ABR: variants seen among roughly 807,000 people sequenced by gnomAD.
ABR encodes the protein active breakpoint cluster region-related protein.
In ABR, 35 loss-of-function variants were observed where a neutral mutation model predicts 107.2. The ratio of observed to expected loss-of-function variants is 0.33; its 90% CI spans 0.25 to 0.43. ABR has a LOEUF of 0.43. Ranked by LOEUF, ABR falls within the 20% of genes least tolerant of loss-of-function variation. The probability of loss-of-function intolerance (pLI) is 1.00; values close to 1 mark genes in which losing one functional copy is unlikely to be tolerated. For missense variants in ABR, 815 were observed against 1,115.2 expected (o/e 0.73, Z 3.83); for synonymous variants, 498 against 462.0 (o/e 1.08, Z -1.00).
At position 1,010,124 on chromosome 17, in the gene ABR, T is replaced by C. The variant is rs1051033207; in HGVS notation, c.2237-340A>G. On this transcript the variant is annotated intron_variant, in intron 20 of 22. Transcript: ENST00000302538. This position sits in a 1 kb window ranked among gnomAD's most constrained non-coding sequence, Gnocchi z 4.1. ...CTAAGGTTAAGCCAGTAGGGACATATCCTGCCAGCGGTGGATTCTCTTTCT... is the reference window on the plus strand; with the variant it reads ...CTAAGGTTAAGCCAGTAGGGACATACCCTGCCAGCGGTGGATTCTCTTTCT... 6 of 347,932 alleles carry C rather than the reference T, an allele frequency of 1.7e-5. No homozygotes were observed. Among genetic ancestry groups the C allele is most frequent in the African/African-American group, 4.1e-5 (2 of 49,204 alleles). 21.6% of individuals were successfully genotyped at this position (347,932 alleles called of 1,614,324 possible). A position where few individuals can be genotyped will look rare whatever the true frequency, so the allele number is the denominator to read the frequency against.
rs975282924 is a variant in ABR at position 1,204,955 on chromosome 17, G to A, written c.838+23838C>T. On this transcript the variant is annotated intron_variant, in intron 1 of 22. Coordinates refer to the ABR transcript ENST00000574139. ...GTCTCGCGCTATCACCCAGGCTGGA[G>A]TGCAAGGGCGTGATCTCGGCTCACT... Among the ~76,000 whole-genome samples the A allele has an allele frequency of 1.5e-5, 2 of 129,066 alleles. 1 individual carries two copies. 84.7% of individuals were successfully genotyped at this position (129,066 alleles called of 152,430 possible). A position where few individuals can be genotyped will look rare whatever the true frequency, so the allele number is the denominator to read the frequency against.
chr17:1,161,197 A>C (rs1598015858), intron 1 of ABR, among the ~76,000 whole-genome samples: 4 of 134,210 alleles, frequency 3.0e-5, no homozygotes, highest in South Asian at 2.4e-4. Context: ...CCTTCCCAGC[A>C]CCTATCCTGG....
Position 1,050,070 on chromosome 17 carries a change from T to C in ABR, c.1771A>G (p.Met591Val). 2 of 1,614,104 alleles carry C rather than the reference T, an allele frequency of 1.2e-6. No individual in the cohort carries two copies. Among genetic ancestry groups the C allele is most frequent in the Non-Finnish European group, 1.7e-6 (2 of 1,179,988 alleles). ...KDNNEIVDKI[M>V]GKGQIQLDPQ... Reference sequence around the variant, plus strand: ...CTCACCTGGATCTGTCCTTTGCCCATGATCTTGTCCACGATCTCATTGTTG... The same window carrying C: ...CTCACCTGGATCTGTCCTTTGCCCACGATCTTGTCCACGATCTCATTGTTG... The change falls in exon 16 of 23, where the codon ATG becomes GTG. Residue 591 changes from methionine (M) to valine (V), a missense_variant. Met to Val is a conservative substitution (Grantham distance 21). Around this residue, in one of 5 missense-constraint regions of ABR, gnomAD observed 92 missense variants for 82.3 expected, o/e 1.12. Transcript: ENST00000302538. The surrounding 1 kb of genome is among the most constrained non-coding windows in gnomAD (Gnocchi z 4.6).
In ABR at chr17:1,199,925, C is replaced by CTTT. The variant is rs11442804; in HGVS notation, c.838+28865_838+28867dup. Among the ~76,000 whole-genome samples the CTTT allele has an allele frequency of 4.1e-5, 6 of 147,168 alleles. No homozygotes were observed. The Middle Eastern group carries it at 0.011, about 261-fold the overall frequency. On this transcript the variant is annotated intron_variant, in intron 1 of 22. Coordinates refer to the ABR transcript ENST00000574139. ...TATGCATATAATAGAGCTCTTTTTT[C>CTTT]TTTTTTTTTTTATTATACTTTAAAT...
At chr17:1,192,069 A>G (rs1269669094), upstream of ABR, among the ~76,000 whole-genome samples, 1 of 152,168 alleles carries the variant, frequency 6.6e-6, no homozygotes. Flanking sequence ...GGAAGGGGGA[A>G]ACTTTCCTGT....
At chr17:1,160,815 A>G (rs1362591439) in intron 1 of ABR, among the ~76,000 whole-genome samples, 2 of 152,234 alleles carry the variant, frequency 1.3e-5, no homozygotes, top group African/African-American at 4.8e-5. Context: ...AACCTATTCT[A>G]CCGTGAATTA....
At position 1,168,798 on chromosome 17, in the gene ABR, T is replaced by C. The variant is rs534492159; in HGVS notation, c.61+10869A>G. On this transcript the variant is annotated intron_variant, in intron 1 of 22. Coordinates refer to ENST00000302538, the MANE Select transcript of ABR (RefSeq NM_021962.5). ...AAGCAGCAGCTCTCCTGACAGCCAA[T>C]GTGCGTTCCATCCTTTCTTCCCAGG... 2.9e-4 allele frequency among the ~76,000 whole-genome samples: 44 copies of C among 152,310 alleles called. 1 individual carries two copies. In the South Asian group the frequency reaches 8.5e-3, roughly 29 times the overall value.
At chr17:1,024,126 T>G (rs1156851931) in intron 16 of ABR, among the ~76,000 whole-genome samples, 1 of 151,290 alleles carries the variant, frequency 6.6e-6, no homozygotes, top group African/African-American at 2.4e-5. Context: ...GCATGGAGCT[T>G]GCTGCCGGGG....
chr17:1,180,335 G>C (rs1031207642), upstream of ABR, among the ~76,000 whole-genome samples: 6 of 152,102 alleles, frequency 3.9e-5, no homozygotes, highest in Admixed American at 1.3e-4. Context: ...GCGCGGCTTC[G>C]CGGGCGGGAG....
chr17:1,057,112 G>A lies in ABR; in HGVS notation c.1382-10C>T, dbSNP rs2033366133. ...ACAAAGGCCTGGAGATCTGGAGGGA[G>A]AGCCGAGAGAGAAGGGAGCGTGGGC... On this transcript the variant is annotated splice_polypyrimidine_tract_variant and intron_variant, in intron 12 of 22. Coordinates refer to ENST00000302538, the MANE Select transcript of ABR (RefSeq NM_021962.5). 6.3e-7 allele frequency: 1 copy of A among 1,589,112 alleles called. No homozygotes were observed. Among genetic ancestry groups the A allele is most frequent in the Non-Finnish European group, 8.6e-7 (1 of 1,158,706 alleles).
chr17:1,128,459 C>G (rs1246735095), intron 1 of ABR, among the ~76,000 whole-genome samples: 1 of 152,240 alleles, frequency 6.6e-6, no homozygotes, highest in African/African-American at 2.4e-5. Flanking sequence ...GCAGTGCACC[C>G]AGCAGCTAGT....
At chr17:1,117,130 C>T (rs752205689) in intron 2 of ABR, among the ~76,000 whole-genome samples, 3 of 68,394 alleles carry the variant, frequency 4.4e-5, no homozygotes, top group South Asian at 5.5e-4. Flanking sequence ...CCAGCGTTAT[C>T]CCTGAGCCTG....
chr17:1,176,946 G>A (rs546612518), intron 1 of ABR, among the ~76,000 whole-genome samples: 2 of 152,130 alleles, frequency 1.3e-5, no homozygotes, highest in African/African-American at 2.4e-5. Flanking sequence ...CTCAGGAGAC[G>A]CTATTATCAT....
chr17:1,027,912 A>G lies in ABR; in HGVS notation c.1792-14748T>C, dbSNP rs549131290. On this transcript the variant is annotated intron_variant, in intron 16 of 22. Transcript: ENST00000302538. This position sits in a 1 kb window ranked among gnomAD's most constrained non-coding sequence, Gnocchi z 4.7. ...AAAATAAAGTAGACGAGCCCAAGAC[A>G]TATCTGTATCTTGTACCCAGCACCT... Among the ~76,000 whole-genome samples, 2 of 152,008 alleles carry G rather than the reference A, an allele frequency of 1.3e-5. No individual in the cohort carries two copies. Among genetic ancestry groups the G allele is most frequent in the Non-Finnish European group, 2.9e-5 (2 of 67,992 alleles).
At chr17:1,048,712 C>T (rs1000323469) in intron 16 of ABR, among the ~76,000 whole-genome samples, 3 of 145,968 alleles carry the variant, frequency 2.1e-5, no homozygotes, top group African/African-American at 8.0e-5. Flanking sequence ...AGAAGCTCGG[C>T]GCCCAGCTGC....
chr17:1,031,573 C>G, intron 16 of ABR: 3 of 1,198,104 alleles, frequency 2.5e-6, no homozygotes, highest in Non-Finnish European at 3.1e-6. Context: ...CCCCACCCCC[C>G]GGAACCTCCA....
Position 1,051,051 on chromosome 17 carries a change from C to T in ABR, c.1562-417G>A, listed in dbSNP as rs1378970536. The stretch of plus-strand genomic sequence containing the variant: ...TTCACTGACCGCCCTGGAGCCACCT[C>T]TCCCCGTAACATGGGTGCCCAGGCC... On this transcript the variant is annotated intron_variant, in intron 14 of 22. Transcript: ENST00000302538. The surrounding 1 kb of genome is among the most constrained non-coding windows in gnomAD (Gnocchi z 4.3). Among the ~76,000 whole-genome samples, 1 of 152,198 alleles carries T rather than the reference C, an allele frequency of 6.6e-6. No homozygotes were observed. Among genetic ancestry groups the T allele is most frequent in the Non-Finnish European group, 1.5e-5 (1 of 68,038 alleles).
chr17:1,006,230 T>A, intron 22 of ABR, 61 bp from the exon 23 acceptor site: 1 of 1,430,888 alleles, frequency 7.0e-7, no homozygotes, highest in Non-Finnish European at 9.6e-7. Context: ...CCTTGCTGAC[T>A]CCAGCCTGTG....
At chr17:1,159,185 C>T (rs546466077) in intron 1 of ABR, among the ~76,000 whole-genome samples, 22 of 152,382 alleles carry the variant, frequency 1.4e-4, no homozygotes, top group African/African-American at 4.1e-4. Flanking sequence ...GAATGCAGTA[C>T]TCATACACAA....
Sources: gnomAD v4.1 joint callset for allele counts (sites outside exome capture counted in the v4.1 genomes callset) on GRCh38, gnomAD v4.1.1 for gene constraint, gnomAD v4.1.1 regional missense constraint, Gnocchi (gnomAD v3.1) non-coding constraint, MANE v1.5 for transcripts, NCBI Gene and HGNC (gene_info 2026-07-23, HGNC 2026-07-21) for gene names.